SNX31: variants seen among roughly 807,000 people sequenced by gnomAD.
SNX31 encodes sorting nexin-31.
In SNX31, 58 loss-of-function variants were observed where a neutral mutation model predicts 65.4. The observed-to-expected ratio is 0.89, with a 90% CI of 0.72 to 1.10. The LOEUF is 1.10. Ranked by LOEUF, SNX31 falls within the 50% of genes least tolerant of loss-of-function variation. The pLI, the probability that SNX31 is intolerant of heterozygous loss-of-function variation, is 0.00. For missense variants in SNX31, 523 were observed against 529.7 expected (o/e 0.99, Z 0.12); for synonymous variants, 181 against 190.1 (o/e 0.95, Z 0.39).
chr8:100,584,290 AAC>A, intron 11 of SNX31, 102 bp from the exon 12 acceptor site: 5 of 782,016 alleles, frequency 6.4e-6, no homozygotes, highest in Non-Finnish European at 9.7e-6. Context: ...GCCCTCCAAT[AAC>A]ACAGATTCAA....
Position 100,588,861 on chromosome 8 carries a change from C to T in SNX31, c.1092+5G>A. ...GGGTGTTCAAGGTCTGCCCTGAGAA[C>T]TCACCTGTTTGGTGTAAATAACAAA... is the stretch of plus-strand genomic sequence containing the variant. On this transcript the variant is annotated splice_donor_5th_base_variant and intron_variant, in intron 11 of 13. Transcript: ENST00000311812. The surrounding 1 kb of genome is among the most constrained non-coding windows in gnomAD (Gnocchi z 4.8). 6.2e-7 allele frequency: 1 copy of T among 1,605,668 alleles called. No homozygotes were observed. Among genetic ancestry groups the T allele is most frequent in the Non-Finnish European group, 8.5e-7 (1 of 1,172,512 alleles).
At chr8:100,654,001 G>GTTTTGT (rs1000769559), upstream of SNX31, among the ~76,000 whole-genome samples, 15 of 152,182 alleles carry the variant, frequency 9.9e-5, no homozygotes, top group African/African-American at 3.1e-4. Flanking sequence ...AACTTGGTGG[G>GTTTTGT]TTTTGTTTTT....
intron 4 of SNX31, among the ~76,000 whole-genome samples, chr8:100,620,270 C>T (rs1043166722): frequency 6.6e-6 from 1 of 152,200 alleles, no homozygotes; most frequent in African/African-American, 2.4e-5. Context: ...CCATGGGCAA[C>T]AGCTCCCCTT....
rs73276625 is a variant in SNX31, at chr8:100,642,749, C to T, written c.141+6525G>A. Among the ~76,000 whole-genome samples the T allele has an allele frequency of 7.9e-3, 1,211 of 152,336 alleles. 20 individuals carry two copies. The highest frequency in any genetic ancestry group is 0.028 in the African/African-American group (1,162 of 41,566). ...GCGTACTGAGAAGTATCTGGTACTA[C>T]AGTTCAGCCCTACCTGTCTTTCAAA... On this transcript the variant is annotated intron_variant, in intron 2 of 13. Transcript: ENST00000311812.
intron 2 of SNX31, among the ~76,000 whole-genome samples, chr8:100,645,528 G>T (rs1474825281): frequency 6.7e-6 from 1 of 149,516 alleles, no homozygotes; most frequent in Non-Finnish European, 1.5e-5. Flanking sequence ...ATTGTTTGTT[G>T]TTGATTTGTA....
At chr8:100,656,234 G>A (rs552324341) in intron 1 of SNX31, among the ~76,000 whole-genome samples, 1 of 152,172 alleles carries the variant, frequency 6.6e-6, no homozygotes, top group Non-Finnish European at 1.5e-5. Context: ...AGCATGCTTG[G>A]TCTCTCAAGT....
chr8:100,663,013 C>A (rs1402301754), intron 1 of SNX31: 1 of 152,148 alleles, frequency 6.6e-6, no homozygotes, highest in African/African-American at 2.4e-5. Context: ...CAAATTAATG[C>A]AGGAACAGAA....
chr8:100,618,296 A>C, intron 4 of SNX31: 2 of 1,525,840 alleles, frequency 1.3e-6, no homozygotes, highest in Middle Eastern at 1.7e-4. Context: ...CTTTTGATAA[A>C]GTCTGCATCC....
Position 100,610,413 on chromosome 8 carries a change from C to G in SNX31, c.611+1587G>C, listed in dbSNP as rs1010035703. ...ACCATCATCATCAATATAACAGTCACAAACATGACCAAAACTTACTGAGCA... is the reference window on the plus strand; with the variant it reads ...ACCATCATCATCAATATAACAGTCAGAAACATGACCAAAACTTACTGAGCA... On this transcript the variant is annotated intron_variant, in intron 7 of 13. Coordinates refer to ENST00000311812, the MANE Select transcript of SNX31 (RefSeq NM_152628.4). This position sits in a 1 kb window ranked among gnomAD's most constrained non-coding sequence, Gnocchi z 4.0. Among the ~76,000 whole-genome samples the G allele has an allele frequency of 6.7e-6, 1 of 150,372 alleles. No homozygotes were observed. Among genetic ancestry groups the G allele is most frequent in the African/African-American group, 2.5e-5 (1 of 40,754 alleles).
chr8:100,634,238 G>A (rs985448744), intron 3 of SNX31, among the ~76,000 whole-genome samples: 3 of 152,142 alleles, frequency 2.0e-5, no homozygotes, highest in African/African-American at 7.2e-5. Flanking sequence ...AAGCCTCACA[G>A]GGGACACAGC....
intron 10 of SNX31, among the ~76,000 whole-genome samples, chr8:100,590,784 AAACAACAACAAC>A (rs56687985): frequency 6.6e-6 from 1 of 151,740 alleles, no homozygotes; most frequent in Admixed American, 6.6e-5. Flanking sequence ...TCCATCTCGA[AAACAACAACAAC>A]AACAACAACA....
At chr8:100,600,261 G>T in intron 9 of SNX31, 88 bp downstream of exon 9, 1 of 1,098,642 alleles carries the variant, frequency 9.1e-7, no homozygotes, top group Non-Finnish European at 1.4e-6. Context: ...GTGCTTGGTA[G>T]GTTTATCAGT....
In SNX31 at chr8:100,613,167, G is replaced by A. The variant is rs1047144073; in HGVS notation, c.433-82C>T. The A allele has an allele frequency of 3.7e-6, 4 of 1,074,152 alleles. No individual in the cohort carries two copies. In the African/African-American group the frequency reaches 6.2e-5, roughly 17 times the overall value. The allele number at this position is 1,074,152 out of a possible 1,614,324, so 66.5% of individuals were successfully genotyped here. On this transcript the variant is annotated intron_variant, in intron 5 of 13. Coordinates refer to ENST00000311812, the MANE Select transcript of SNX31 (RefSeq NM_152628.4). The surrounding 1 kb of genome is among the most constrained non-coding windows in gnomAD (Gnocchi z 5.2). ...AACTGTGACATGCAGACTTGGAAAT[G>A]GCCGGTACACATCAATAAAAAATGC...
At chr8:100,647,779 G>A (rs1819738092) in intron 2 of SNX31, among the ~76,000 whole-genome samples, 1 of 152,132 alleles carries the variant, frequency 6.6e-6, no homozygotes, top group Non-Finnish European at 1.5e-5. Flanking sequence ...ACCTCAAGCT[G>A]CAGGAAAACA....
chr8:100,640,769 G>A (rs1819114133), intron 2 of SNX31, among the ~76,000 whole-genome samples: 1 of 151,408 alleles, frequency 6.6e-6, no homozygotes, highest in Non-Finnish European at 1.5e-5. Flanking sequence ...TATCTGACAA[G>A]TACTCATCAG....
chr8:100,646,837 G>A lies in SNX31; in HGVS notation c.141+2437C>T, dbSNP rs115951273. Among the ~76,000 whole-genome samples the A allele has an allele frequency of 4.9e-3, 753 of 152,296 alleles. 8 individuals carry two copies. Among genetic ancestry groups the A allele is most frequent in the African/African-American group, 0.018 (734 of 41,564 alleles). On this transcript the variant is annotated intron_variant, in intron 2 of 13. Transcript: ENST00000311812. ...TTAGGACTCAGTCATTTGACTCATT[G>A]TTTTACTGATACGATTTATTTTATC...
intron 8 of SNX31, among the ~76,000 whole-genome samples, chr8:100,601,300 T>G (rs543670936): frequency 6.6e-6 from 1 of 152,346 alleles, no homozygotes; most frequent in African/African-American, 2.4e-5. Flanking sequence ...TATGCTATCA[T>G]TAAAAATTAC....
Position 100,649,636 on chromosome 8 carries a change from G to T in SNX31, c.-122C>A. The T allele has an allele frequency of 1.0e-6, 1 of 960,038 alleles. No individual in the cohort carries two copies. The highest frequency in any genetic ancestry group is 1.8e-5 in the South Asian group (1 of 54,652). The allele number at this position is 960,038 out of a possible 1,614,324, so 59.5% of individuals were successfully genotyped here. A position where few individuals can be genotyped will look rare whatever the true frequency, so the allele number is the denominator to read the frequency against. On this transcript the variant is annotated 5_prime_UTR_variant, in exon 1 of 14. Transcript: ENST00000311812. Reference sequence around the variant, plus strand: ...TGCCACGCGACTCAGAGCGAACCCCGGCGCCCGCTCTCGCCGGCCGGGGAC... The same window carrying T: ...TGCCACGCGACTCAGAGCGAACCCCTGCGCCCGCTCTCGCCGGCCGGGGAC...
At position 100,594,436 on chromosome 8, in the gene SNX31, C is replaced by T. The variant is rs1387028071; in HGVS notation, c.978+2203G>A. Reference sequence around the variant, plus strand: ...GTATCTAGAATACATAAAGAACTCTCAACACTCAACAGTAAAAAGCCAAAC... The same window carrying T: ...GTATCTAGAATACATAAAGAACTCTTAACACTCAACAGTAAAAAGCCAAAC... On this transcript the variant is annotated intron_variant, in intron 10 of 13. Coordinates refer to ENST00000311812, the MANE Select transcript of SNX31 (RefSeq NM_152628.4). This position sits in a 1 kb window ranked among gnomAD's most constrained non-coding sequence, Gnocchi z 4.0. Among the ~76,000 whole-genome samples the T allele has an allele frequency of 6.6e-6, 1 of 152,080 alleles. No individual in the cohort carries two copies. Among genetic ancestry groups the T allele is most frequent in the East Asian group, 1.9e-4 (1 of 5,192 alleles).
Sources: allele counts gnomAD v4.1 joint callset (sites outside exome capture counted in the v4.1 genomes callset), GRCh38; gene constraint gnomAD v4.1.1; non-coding constraint Gnocchi (gnomAD v3.1); transcripts MANE v1.5; gene names NCBI Gene and HGNC (gene_info 2026-07-23, HGNC 2026-07-21).